DPY30: variants seen among roughly 807,000 people sequenced by gnomAD.
DPY30 encodes dpy-30 histone methyltransferase complex regulatory subunit.
DPY30 carries 6 observed loss-of-function variants against 16.2 expected under a neutral mutation model. That is an observed-to-expected ratio of 0.37 (90% CI 0.20 to 0.73). DPY30 has a LOEUF of 0.73. Among genes scored for constraint, DPY30 ranks in the 30% least tolerant of loss-of-function variants. DPY30 has a pLI of 0.51. For synonymous variants in DPY30, 39 were observed against 38.8 expected (o/e 1.00, Z -0.02); for missense variants, 73 against 113.1 (o/e 0.65, Z 1.61).
At chr2:32,039,365 C>A (rs774431373) in intron 2 of DPY30, 39 bp from the exon 3 acceptor site, 2 of 1,614,024 alleles carry the variant, frequency 1.2e-6, no homozygotes, top group African/African-American at 2.7e-5. Context: ...TATAAGTCCC[C>A]CCTTTCTCGC....
At chr2:32,022,008 G>C (rs1396994840), downstream of DPY30, among the ~76,000 whole-genome samples, 1 of 151,542 alleles carries the variant, frequency 6.6e-6, no homozygotes, top group Non-Finnish European at 1.5e-5. Flanking sequence ...TCAGGAATTC[G>C]AGACCAGCCT....
chr2:32,021,717 A>ATTGG (rs1295817851), downstream of DPY30, among the ~76,000 whole-genome samples: 1 of 151,358 alleles, frequency 6.6e-6, no homozygotes. Context: ...GCTGTGTCCC[A>ATTGG]TTGGGTCATG....
At chr2:32,014,355 C>T (rs1456630671) in intron 5 of DPY30, among the ~76,000 whole-genome samples, 1 of 152,302 alleles carries the variant, frequency 6.6e-6, no homozygotes, top group South Asian at 2.1e-4. Context: ...GGCACAGTGG[C>T]ACACACCTAT....
At chr2:32,013,428 C>A (rs1032085557) in intron 5 of DPY30, 1 of 152,148 alleles carries the variant, frequency 6.6e-6, no homozygotes, top group Non-Finnish European at 1.5e-5. Context: ...AATTATTCCC[C>A]CTGTCCACCT....
chr2:32,037,503 G>A (rs1275745899), intron 3 of DPY30, among the ~76,000 whole-genome samples: 3 of 151,438 alleles, frequency 2.0e-5, no homozygotes, highest in East Asian at 3.9e-4. Context: ...AACAGGGTTT[G>A]TAGGCTGGTT....
chr2:32,035,498 G>A (rs1456748722), intron 3 of DPY30, among the ~76,000 whole-genome samples: 3 of 151,608 alleles, frequency 2.0e-5, no homozygotes, highest in South Asian at 2.1e-4. Flanking sequence ...GCTGAGGCAG[G>A]GGAATCACTT....
At chr2:32,027,953 ATAG>A (rs1476229367) in intron 4 of DPY30, among the ~76,000 whole-genome samples, 4 of 152,088 alleles carry the variant, frequency 2.6e-5, no homozygotes, top group Non-Finnish European at 5.9e-5. Flanking sequence ...TTAATTGTTG[ATAG>A]TAGAGCCAAG....
Position 32,023,970 on chromosome 2 carries a change from A to C in DPY30, c.*214T>G. The C allele has an allele frequency of 7.1e-7, 1 of 1,417,374 alleles. No individual in the cohort carries two copies. 87.8% of individuals were successfully genotyped at this position (1,417,374 alleles called of 1,614,324 possible). ...AAAGTTAAAGACAATCTGAGAAAAA[A>C]ATTGCACAGAATACACTCATTAAAT... On this transcript the variant is annotated 3_prime_UTR_variant, in exon 5 of 5. Coordinates refer to ENST00000342166, the MANE Select transcript of DPY30 (RefSeq NM_001321209.2).
Position 32,039,505 on chromosome 2 carries a change from G to C in DPY30, c.-36-13C>G, listed in dbSNP as rs1198096749. Reference sequence around the variant, plus strand: ...CCCGGATACCAGTCTTGGAAAACAAGAAGAGCCGCGAGTTACCTGGGAGAT... The same window carrying C: ...CCCGGATACCAGTCTTGGAAAACAACAAGAGCCGCGAGTTACCTGGGAGAT... On this transcript the variant is annotated splice_polypyrimidine_tract_variant and intron_variant, in intron 1 of 4. Transcript: ENST00000342166. 6.2e-7 allele frequency: 1 copy of C among 1,613,368 alleles called. No individual in the cohort carries two copies. The highest frequency in any genetic ancestry group is 8.5e-7 in the Non-Finnish European group (1 of 1,179,856).
chr2:32,037,000 A>G (rs1019943653), intron 3 of DPY30, among the ~76,000 whole-genome samples: 96 of 152,360 alleles, frequency 6.3e-4, no homozygotes, highest in African/African-American at 2.3e-3. Context: ...GAACGATAGC[A>G]AGCTTCTTTT....
At chr2:32,039,143 A>T in intron 3 of DPY30, 136 bp downstream of exon 3, 1 of 997,006 alleles carries the variant, frequency 1.0e-6, no homozygotes, top group Non-Finnish European at 1.6e-6. Context: ...AAAACAAGCT[A>T]CCCATAACTT....
rs397984233 is a variant in DPY30 at position 32,012,419 on chromosome 2, CTTTTTTTTTTTT to C, written n.378-379_378-368del. The stretch of plus-strand genomic sequence containing the variant: ...TGTATCCAAAACCTCTCTCTTTTTT[CTTTTTTTTTTTT>C]TTTTTTTTTTTTTTTTTGAGACAGA... On this transcript the variant is annotated intron_variant and non_coding_transcript_variant, in intron 5 of 5. Transcript: ENST00000414013. 3.5e-3 allele frequency among the ~76,000 whole-genome samples: 287 copies of C among 81,684 alleles called. 5 individuals are homozygous for C. The South Asian group carries it at 0.061, about 17-fold the overall frequency. 53.6% of individuals were successfully genotyped at this position (81,684 alleles called of 152,430 possible).
chr2:32,019,518 T>A (rs7603047), downstream of DPY30, among the ~76,000 whole-genome samples: 20,304 of 151,106 alleles, frequency 0.13, 1,578 homozygotes, highest in African/African-American at 0.21. Context: ...CTCAAAAAAA[T>A]ATATATATAG....
At chr2:32,023,848 A>C (rs1375167318), downstream of DPY30, 3 of 1,312,132 alleles carry the variant, frequency 2.3e-6, no homozygotes, top group African/African-American at 4.5e-5. Context: ...GAAATTCATA[A>C]AACAATTCAA....
chr2:32,038,652 T>A (rs1370150412), intron 3 of DPY30, among the ~76,000 whole-genome samples: 2 of 140,962 alleles, frequency 1.4e-5, no homozygotes, highest in Non-Finnish European at 3.1e-5. Context: ...TTTTACTTTT[T>A]TTTTTTTTTT....
rs548197060 is a variant in DPY30 at position 32,039,750 on chromosome 2, G to C, written c.-54C>G. 1.5e-5 allele frequency: 8 copies of C among 534,470 alleles called. No homozygotes were observed. The South Asian group carries it at 1.6e-4, about 11-fold the overall frequency. 33.1% of individuals were successfully genotyped at this position (534,470 alleles called of 1,614,324 possible). ...CTGATTACCCGCGCCCAAGCCGTTC[G>C]TTCTTAAGAGCCCTGCACCGCGCCA... On this transcript the variant is annotated 5_prime_UTR_variant, in exon 1 of 5. Transcript: ENST00000342166.
chr2:32,014,645 G>A (rs537409776), intron 5 of DPY30, among the ~76,000 whole-genome samples: 40 of 152,130 alleles, frequency 2.6e-4, no homozygotes, highest in Admixed American at 3.9e-4. Context: ...CACCACGCCC[G>A]GCTAATTTTT....
At chr2:32,023,838 GA>G (rs1167253207), downstream of DPY30, 1 of 1,307,504 alleles carries the variant, frequency 7.6e-7, no homozygotes, top group African/African-American at 1.5e-5. Context: ...AAGAAAAAGA[GA>G]AATTCATAAA....
chr2:32,038,096 T>A lies in DPY30; in HGVS notation c.84+1183A>T, dbSNP rs188777716. Among the ~76,000 whole-genome samples, 10 of 151,836 alleles carry A rather than the reference T, an allele frequency of 6.6e-5. No homozygotes were observed. The East Asian group carries it at 1.9e-3, about 29-fold the overall frequency. On this transcript the variant is annotated intron_variant, in intron 3 of 4. Transcript: ENST00000342166. ...TATTTTCAACCTAGGCAGGTTGGCA[T>A]TTTTGCAGTAGAATTAACTTGTATT...
Sources: allele counts gnomAD v4.1 joint callset (sites outside exome capture counted in the v4.1 genomes callset), GRCh38; gene constraint gnomAD v4.1.1; transcripts MANE v1.5; gene names NCBI Gene and HGNC (gene_info 2026-07-23, HGNC 2026-07-21).